Variants in TPD52 observed in about 807,000 individuals in gnomAD.
The protein encoded by TPD52 is prostate and colon associated protein.
A neutral mutation model predicts 31.3 loss-of-function variants in TPD52; 17 were observed. The ratio of observed to expected loss-of-function variants is 0.54; its 90% CI spans 0.37 to 0.82. The LOEUF (loss-of-function observed/expected upper bound fraction) is 0.82. Among genes scored for constraint, TPD52 ranks in the 40% least tolerant of loss-of-function variants. TPD52 has a pLI of 0.00. For synonymous variants in TPD52, 83 were observed against 89.6 expected (o/e 0.93, Z 0.42); for missense variants, 212 against 240.1 (o/e 0.88, Z 0.77).
rs1465964502 is a variant in TPD52, at chr8:80,072,796, C to CAT, written c.20-8204_20-8203insAT. Among the ~76,000 whole-genome samples the CAT allele has an allele frequency of 5.8e-3, 818 of 142,254 alleles. 55 individuals carry two copies. Among genetic ancestry groups the CAT allele is most frequent in the African/African-American group, 0.023 (767 of 33,168 alleles). The allele number at this position is 142,254 out of a possible 152,430, so 93.3% of individuals were successfully genotyped here. A position where few individuals can be genotyped will look rare whatever the true frequency, so the allele number is the denominator to read the frequency against. On this transcript the variant is annotated intron_variant, in intron 1 of 7. Transcript: ENST00000518937. ...ATATATATACACATACACACACACA[C>CAT]ACATATATATATATATATAAACTTG...
intron 1 of TPD52, chr8:80,158,910 C>G (rs1811157776): frequency 7.3e-6 from 1 of 136,844 alleles, no homozygotes; most frequent in Admixed American, 7.5e-5. Context: ...CGCCACTGCA[C>G]TCCAGCCTGG....
At chr8:80,088,856 T>C (rs1685896306) in intron 1 of TPD52, among the ~76,000 whole-genome samples, 2 of 152,090 alleles carry the variant, frequency 1.3e-5, no homozygotes, top group African/African-American at 4.8e-5. Context: ...AGGGAGGACA[T>C]AGCTAATTTT....
chr8:80,064,177 G>GT (rs1490628538), intron 2 of TPD52, among the ~76,000 whole-genome samples: 1 of 152,114 alleles, frequency 6.6e-6, no homozygotes, highest in Non-Finnish European at 1.5e-5. Flanking sequence ...AAGAGCAAGT[G>GT]TATCAGATGT....
intron 1 of TPD52, among the ~76,000 whole-genome samples, chr8:80,087,140 T>G (rs79217795): frequency 6.6e-6 from 1 of 151,960 alleles, no homozygotes; most frequent in African/African-American, 2.4e-5. Context: ...GTGTCCTTTT[T>G]TTTTCCCCCC....
intron 1 of TPD52, among the ~76,000 whole-genome samples, chr8:80,167,097 T>C (rs530482075): frequency 6.6e-6 from 1 of 152,310 alleles, no homozygotes; most frequent in South Asian, 2.1e-4. Context: ...ACATTCTTTT[T>C]TAAAACTTCC....
intron 1 of TPD52, among the ~76,000 whole-genome samples, chr8:80,073,248 T>G (rs1814136657): frequency 6.6e-6 from 1 of 152,258 alleles, no homozygotes; most frequent in Non-Finnish European, 1.5e-5. Context: ...CTTTAACCAT[T>G]TCTAAGTGTG....
At chr8:80,044,232 A>G in intron 5 of TPD52, 24 bp from the exon 6 acceptor site, 1 of 1,562,390 alleles carries the variant, frequency 6.4e-7, no homozygotes, top group Non-Finnish European at 8.6e-7. Context: ...TTAAAAAGAG[A>G]TAGAAATAAG....
chr8:80,034,635 T>C (rs1397323993), downstream of TPD52: 3 of 152,174 alleles, frequency 2.0e-5, no homozygotes, highest in African/African-American at 7.2e-5. Context: ...GGAAGAATTC[T>C]AATACTAAAA....
chr8:80,072,288 CAGAG>C (rs1428613047), intron 1 of TPD52, among the ~76,000 whole-genome samples: 1 of 149,988 alleles, frequency 6.7e-6, no homozygotes, highest in South Asian at 2.1e-4. Context: ...AGCCTGGCGA[CAGAG>C]AGAGACTCCA....
chr8:80,098,861 C>T (rs1433495312), intron 1 of TPD52, among the ~76,000 whole-genome samples: 1 of 152,174 alleles, frequency 6.6e-6, no homozygotes, highest in Non-Finnish European at 1.5e-5. Flanking sequence ...TTGCCACGGC[C>T]AGCTCAACCT....
At chr8:80,090,261 C>T (rs1816157008) in intron 1 of TPD52, among the ~76,000 whole-genome samples, 1 of 152,104 alleles carries the variant, frequency 6.6e-6, no homozygotes, top group Non-Finnish European at 1.5e-5. Context: ...TAGCCAGGCA[C>T]AGTGGTGCAC....
chr8:80,075,037 T>C (rs1210147988), intron 1 of TPD52, among the ~76,000 whole-genome samples: 1 of 152,120 alleles, frequency 6.6e-6, no homozygotes, highest in Non-Finnish European at 1.5e-5. Context: ...TGGAGTGCAG[T>C]GGCGCGATCT....
rs1333936049 is a variant in TPD52, at chr8:80,035,717, A to T, written c.*2399T>A. ...AGAATTCTTGCCCTATTTCCCACAA[A>T]CTCCATAAATTGACATTTCTTTTTG... On this transcript the variant is annotated 3_prime_UTR_variant, in exon 8 of 8. Transcript: ENST00000518937. 6 of 151,934 alleles carry T rather than the reference A, an allele frequency of 3.9e-5. No individual in the cohort carries two copies. Among genetic ancestry groups the T allele is most frequent in the Non-Finnish European group, 7.4e-5 (5 of 67,978 alleles). The allele number at this position is 151,934 out of a possible 1,614,324, so 9.4% of individuals were successfully genotyped here.
chr8:80,125,923 T>TAA (rs1167226403), intron 1 of TPD52, among the ~76,000 whole-genome samples: 1 of 152,172 alleles, frequency 6.6e-6, no homozygotes, highest in East Asian at 1.9e-4. Context: ...ACACACGGCC[T>TAA]AAGTGAGTAT....
At chr8:80,039,281 G>GAC (rs2130349042) in intron 7 of TPD52, among the ~76,000 whole-genome samples, 2 of 152,188 alleles carry the variant, frequency 1.3e-5, no homozygotes, top group Admixed American at 1.3e-4. Flanking sequence ...GTCTAAAACT[G>GAC]AACTCCTTCC....
At chr8:80,103,669 A>G (rs776805331) in intron 1 of TPD52, among the ~76,000 whole-genome samples, 6 of 152,198 alleles carry the variant, frequency 3.9e-5, no homozygotes, top group Non-Finnish European at 7.3e-5. Flanking sequence ...CAGTAAGTAG[A>G]CTTAGATACG....
At chr8:80,113,015 C>CA (rs1490165019) in intron 1 of TPD52, among the ~76,000 whole-genome samples, 2 of 152,070 alleles carry the variant, frequency 1.3e-5, no homozygotes, top group African/African-American at 4.8e-5. Flanking sequence ...TAATTTTGTG[C>CA]ATGAAACCAA....
intron 1 of TPD52, among the ~76,000 whole-genome samples, chr8:80,120,250 G>A (rs1015847781): frequency 6.6e-6 from 1 of 152,182 alleles, no homozygotes; most frequent in Non-Finnish European, 1.5e-5. Flanking sequence ...AACACTGTGG[G>A]AGGCCGAGGC....
intron 1 of TPD52, among the ~76,000 whole-genome samples, chr8:80,092,446 GA>G (rs1341596850): frequency 3.9e-5 from 6 of 152,250 alleles, no homozygotes; most frequent in African/African-American, 1.4e-4. Context: ...CAAATGTAAA[GA>G]AATCAGATGT....
Sources: gnomAD v4.1 joint callset for allele counts (sites outside exome capture counted in the v4.1 genomes callset) on GRCh38, gnomAD v4.1.1 for gene constraint, MANE v1.5 for transcripts, NCBI Gene and HGNC (gene_info 2026-07-23, HGNC 2026-07-21) for gene names.